Variants in CNTNAP2 observed in about 807,000 individuals in gnomAD.
CNTNAP2 encodes the protein contactin associated protein 2.
A neutral mutation model predicts 155.2 loss-of-function variants in CNTNAP2; 98 were observed. The ratio of observed to expected loss-of-function variants is 0.63; its 90% CI spans 0.54 to 0.75. CNTNAP2 has a LOEUF of 0.75. Ranked by LOEUF, CNTNAP2 falls within the 30% of genes least tolerant of loss-of-function variation. CNTNAP2 has a pLI of 0.00. For synonymous variants in CNTNAP2, 651 were observed against 631.2 expected (o/e 1.03, Z -0.47); for missense variants, 1,727 against 1,688.1 (o/e 1.02, Z -0.40).
At chr7:146,809,356 AT>A (rs1395582801) in intron 2 of CNTNAP2, among the ~76,000 whole-genome samples, 1 of 149,380 alleles carries the variant, frequency 6.7e-6, no homozygotes, top group East Asian at 2.0e-4. Context: ...TTGGTTTTTC[AT>A]TTGTTTGTTT....
At chr7:146,390,684 G>A (rs1795528480) in intron 1 of CNTNAP2, among the ~76,000 whole-genome samples, 1 of 147,918 alleles carries the variant, frequency 6.8e-6, no homozygotes, top group South Asian at 2.1e-4. Context: ...CTAGATTGTG[G>A]CAAATTCTAC....
chr7:148,093,683 T>C (rs1410599621), intron 15 of CNTNAP2, among the ~76,000 whole-genome samples: 1 of 152,224 alleles, frequency 6.6e-6, no homozygotes, highest in African/African-American at 2.4e-5. Context: ...TGTAGGTGGA[T>C]TGTCTGAAAC....
intron 3 of CNTNAP2, among the ~76,000 whole-genome samples, chr7:146,938,566 A>G (rs1413243781): frequency 6.6e-6 from 1 of 151,916 alleles, no homozygotes; most frequent in Admixed American, 6.6e-5. Context: ...TCCATGTTAC[A>G]GTGAAACATT....
chr7:147,256,212 AG>A (rs11317336), intron 8 of CNTNAP2, among the ~76,000 whole-genome samples: 26,124 of 152,118 alleles, frequency 0.17, 3,501 homozygotes, highest in East Asian at 0.71. Context: ...CTAAAGTGAC[AG>A]GCCCTATGGT....
At chr7:146,791,285 G>A (rs1021513742) in intron 2 of CNTNAP2, among the ~76,000 whole-genome samples, 3 of 152,034 alleles carry the variant, frequency 2.0e-5, no homozygotes, top group African/African-American at 4.8e-5. Context: ...TTTTTTTATG[G>A]CTACATAGTA....
chr7:147,480,865 A>G (rs1232244164), intron 10 of CNTNAP2, among the ~76,000 whole-genome samples: 1 of 152,186 alleles, frequency 6.6e-6, no homozygotes, highest in Non-Finnish European at 1.5e-5. Context: ...CCTTGTTAGG[A>G]TCTCAGAATC....
intron 13 of CNTNAP2, among the ~76,000 whole-genome samples, chr7:147,820,264 G>T (rs1798341088): frequency 6.6e-6 from 1 of 151,974 alleles, no homozygotes; most frequent in South Asian, 2.1e-4. Flanking sequence ...ATGATTCTGG[G>T]CACTGTTTTA....
intron 14 of CNTNAP2, among the ~76,000 whole-genome samples, chr7:147,915,755 G>T (rs775672413): frequency 6.7e-6 from 1 of 149,260 alleles, no homozygotes; most frequent in African/African-American, 2.5e-5. Context: ...GGTGGCGGGC[G>T]GGGGTGAAGA....
intron 1 of CNTNAP2, among the ~76,000 whole-genome samples, chr7:146,428,538 A>G (rs1182284422): frequency 6.6e-6 from 1 of 151,566 alleles, no homozygotes; most frequent in East Asian, 1.9e-4. Context: ...TGGCATATGT[A>G]TGTCTTCTCT....
intron 8 of CNTNAP2, among the ~76,000 whole-genome samples, chr7:147,254,905 A>G (rs535508024): frequency 3.3e-5 from 5 of 152,364 alleles, no homozygotes; most frequent in African/African-American, 1.2e-4. Flanking sequence ...AATCGTAGCA[A>G]TTTATATTCC....
At chr7:147,219,561 G>A (rs545378984) in intron 8 of CNTNAP2, among the ~76,000 whole-genome samples, 1 of 152,258 alleles carries the variant, frequency 6.6e-6, no homozygotes, top group South Asian at 2.1e-4. Flanking sequence ...AGCCACACTG[G>A]TAGCTGATTA....
chr7:148,404,849 G>A (rs1167558224), intron 22 of CNTNAP2, among the ~76,000 whole-genome samples: 7 of 152,280 alleles, frequency 4.6e-5, no homozygotes, highest in East Asian at 1.9e-4. Flanking sequence ...CATCCTCAGC[G>A]AAACTGCTTT....
At chr7:146,407,729 C>G (rs1046139619) in intron 1 of CNTNAP2, among the ~76,000 whole-genome samples, 17 of 151,990 alleles carry the variant, frequency 1.1e-4, no homozygotes, top group Non-Finnish European at 2.1e-4. Flanking sequence ...GACTCTTGAA[C>G]AACCTGGCTA....
At chr7:148,300,969 A>G (rs1020586005) in intron 21 of CNTNAP2, among the ~76,000 whole-genome samples, 1 of 152,136 alleles carries the variant, frequency 6.6e-6, no homozygotes, top group African/African-American at 2.4e-5. Context: ...CAATGTGAAT[A>G]CACTTAATGC....
chr7:146,617,636 T>C (rs906260018), intron 1 of CNTNAP2, among the ~76,000 whole-genome samples: 2 of 152,162 alleles, frequency 1.3e-5, no homozygotes, highest in African/African-American at 4.8e-5. Flanking sequence ...ACCGTTTACG[T>C]TTTTGGCCAA....
Position 146,703,559 on chromosome 7 carries a change from G to A in CNTNAP2, c.98-70712G>A, listed in dbSNP as rs1053219712. ...TGGGTGGCTTATAAACAACAAACGTGTTTCTCATGGTTCTGGAGGCCAGGA... is the reference window on the plus strand; with the variant it reads ...TGGGTGGCTTATAAACAACAAACGTATTTCTCATGGTTCTGGAGGCCAGGA... On this transcript the variant is annotated intron_variant, in intron 1 of 23. Coordinates refer to ENST00000361727, the MANE Select transcript of CNTNAP2 (RefSeq NM_014141.6). Among the ~76,000 whole-genome samples the A allele has an allele frequency of 3.3e-5, 5 of 152,186 alleles. No homozygotes were observed. In the South Asian group the frequency reaches 1.0e-3, roughly 32 times the overall value.
intron 15 of CNTNAP2, among the ~76,000 whole-genome samples, chr7:148,052,885 A>G (rs1477046849): frequency 6.6e-6 from 1 of 152,166 alleles, no homozygotes; most frequent in Non-Finnish European, 1.5e-5. Flanking sequence ...CATATCTAGT[A>G]AAAATACAAA....
At position 147,337,817 on chromosome 7, in the gene CNTNAP2, T is replaced by C. The variant is rs571812077; in HGVS notation, c.1498+37527T>C. Among the ~76,000 whole-genome samples the C allele has an allele frequency of 1.5e-3, 234 of 152,158 alleles. 5 individuals are homozygous for C. Among genetic ancestry groups the C allele is most frequent in the Non-Finnish European group, 1.6e-3 (108 of 68,018 alleles). On this transcript the variant is annotated intron_variant, in intron 9 of 23. Coordinates refer to ENST00000361727, the MANE Select transcript of CNTNAP2 (RefSeq NM_014141.6). ...AAGCCTGCAGGGTGGCTCCAATTAG[T>C]ATCCATTTTGAGCATTGGAATAGAA...
chr7:148,183,529 T>G (rs1795071899), intron 18 of CNTNAP2, among the ~76,000 whole-genome samples: 2 of 144,762 alleles, frequency 1.4e-5, no homozygotes, highest in African/African-American at 2.6e-5. Context: ...TTGCCCTAGC[T>G]GGAGCGCAGT....
Sources: gnomAD v4.1 joint callset for allele counts (sites outside exome capture counted in the v4.1 genomes callset) on GRCh38, gnomAD v4.1.1 for gene constraint, MANE v1.5 for transcripts, NCBI Gene and HGNC (gene_info 2026-07-23, HGNC 2026-07-21) for gene names.